Variants in GABRB1 observed in about 807,000 individuals in gnomAD.
The protein encoded by GABRB1 is gamma-aminobutyric acid type A receptor subunit beta1, also known as gamma-aminobutyric acid receptor subunit beta-1.
GABRB1 carries 17 observed loss-of-function variants against 51.6 expected under a neutral mutation model. The ratio of observed to expected loss-of-function variants is 0.33; its 90% CI spans 0.23 to 0.49. GABRB1 has a LOEUF of 0.49. Among genes scored for constraint, GABRB1 ranks in the 20% least tolerant of loss-of-function variants. GABRB1 has a pLI of 0.99. For missense variants in GABRB1, 410 were observed against 600.6 expected, an observed-to-expected ratio of 0.68 and a Z score of 3.32; for synonymous variants, 247 against 218.9, an observed-to-expected ratio of 1.13 and a Z score of -1.14.
At chr4:47,101,559 G>T (rs1008795375) in intron 3 of GABRB1, among the ~76,000 whole-genome samples, 3 of 151,742 alleles carry the variant, frequency 2.0e-5, no homozygotes, top group Non-Finnish European at 2.9e-5. Flanking sequence ...CTCTGCCACT[G>T]CAACCAACCG....
chr4:47,281,945 G>C (rs1454287348), intron 4 of GABRB1, among the ~76,000 whole-genome samples: 1 of 152,084 alleles, frequency 6.6e-6, no homozygotes, highest in Non-Finnish European at 1.5e-5. Context: ...TAAACTGGGA[G>C]AATAAGTTTC....
chr4:47,230,313 C>T (rs1048982512), intron 4 of GABRB1, among the ~76,000 whole-genome samples: 4 of 152,066 alleles, frequency 2.6e-5, no homozygotes, highest in African/African-American at 7.2e-5. Flanking sequence ...AGGAGGGATG[C>T]TCACTGATTC....
rs71195627 is a variant in GABRB1, at chr4:47,354,980, G to GTTTTTTT, written c.544+34790_544+34796dup. The stretch of plus-strand genomic sequence containing the variant: ...CCTTCCTTTCTTTCTTTCTTCCTTT[G>GTTTTTTT]TTTTTTTTTTTTTTTTTTTTTTTTT... On this transcript the variant is annotated intron_variant, in intron 5 of 8. Coordinates refer to ENST00000295454, the MANE Select transcript of GABRB1 (RefSeq NM_000812.4). Among the ~76,000 whole-genome samples the GTTTTTTT allele has an allele frequency of 4.6e-3, 203 of 44,210 alleles. 38 individuals carry two copies. Among genetic ancestry groups the GTTTTTTT allele is most frequent in the Non-Finnish European group, 5.7e-3 (128 of 22,624 alleles). The allele number at this position is 44,210 out of a possible 152,430, so 29.0% of individuals were successfully genotyped here. A position where few individuals can be genotyped will look rare whatever the true frequency, so the allele number is the denominator to read the frequency against.
intron 4 of GABRB1, among the ~76,000 whole-genome samples, chr4:47,283,808 C>T (rs1723396468): frequency 6.6e-6 from 1 of 152,044 alleles, no homozygotes; most frequent in African/African-American, 2.4e-5. Context: ...GGTTCAGAAC[C>T]TGAATAAGGT....
At chr4:47,224,765 GC>G (rs1285656219) in intron 4 of GABRB1, among the ~76,000 whole-genome samples, 4 of 152,084 alleles carry the variant, frequency 2.6e-5, no homozygotes, top group Non-Finnish European at 5.9e-5. Context: ...CAATATATAA[GC>G]CCCCATGTCC....
intron 8 of GABRB1, among the ~76,000 whole-genome samples, chr4:47,412,387 T>A (rs992052208): frequency 6.6e-6 from 1 of 152,188 alleles, no homozygotes; most frequent in Non-Finnish European, 1.5e-5. Flanking sequence ...ATAAAACTCG[T>A]ACATATTCAT....
intron 3 of GABRB1, among the ~76,000 whole-genome samples, chr4:47,038,817 T>G (rs1003804385): frequency 6.6e-6 from 1 of 152,212 alleles, no homozygotes; most frequent in African/African-American, 2.4e-5. Flanking sequence ...TCCAGTTGGC[T>G]TAGGTTTCAG....
At chr4:47,098,934 A>G (rs907261348) in intron 3 of GABRB1, among the ~76,000 whole-genome samples, 8 of 152,086 alleles carry the variant, frequency 5.3e-5, no homozygotes, top group East Asian at 1.9e-4. Flanking sequence ...ATCTTATTCC[A>G]TTATTGAAAA....
intron 8 of GABRB1, among the ~76,000 whole-genome samples, chr4:47,413,268 A>G (rs1728817018): frequency 6.6e-6 from 1 of 152,144 alleles, no homozygotes; most frequent in African/African-American, 2.4e-5. Context: ...CAATTTTATA[A>G]ACTTCTTCAT....
chr4:47,248,414 A>T (rs1387810262), intron 4 of GABRB1, among the ~76,000 whole-genome samples: 1 of 152,044 alleles, frequency 6.6e-6, no homozygotes, highest in African/African-American at 2.4e-5. Flanking sequence ...TATTGGATTC[A>T]GTTAGATAGT....
chr4:47,044,321 A>G (rs1725991574), intron 3 of GABRB1, among the ~76,000 whole-genome samples: 1 of 152,060 alleles, frequency 6.6e-6, no homozygotes, highest in African/African-American at 2.4e-5. Flanking sequence ...TTAAGTCCAG[A>G]CACTCTTGAT....
chr4:47,315,273 A>G (rs1427217778), intron 4 of GABRB1, among the ~76,000 whole-genome samples: 1 of 152,074 alleles, frequency 6.6e-6, no homozygotes, highest in African/African-American at 2.4e-5. Flanking sequence ...TCCAACAAGC[A>G]TATAAAAAAT....
intron 1 of GABRB1, among the ~76,000 whole-genome samples, chr4:47,021,513 A>G (rs966549979): frequency 1.3e-5 from 2 of 152,112 alleles, no homozygotes; most frequent in Non-Finnish European, 2.9e-5. Context: ...ACCCACAGAA[A>G]TGGCTGTGCT....
intron 3 of GABRB1, among the ~76,000 whole-genome samples, chr4:47,073,422 C>T (rs1722957915): frequency 6.6e-6 from 1 of 152,218 alleles, no homozygotes; most frequent in African/African-American, 2.4e-5. Flanking sequence ...TAGCCACTTC[C>T]TAATGCTATA....
intron 5 of GABRB1, among the ~76,000 whole-genome samples, chr4:47,400,829 T>G (rs992184462): frequency 1.3e-5 from 2 of 152,090 alleles, no homozygotes; most frequent in African/African-American, 4.8e-5. Context: ...CAATATTTGA[T>G]TTTCTGTTCC....
chr4:47,032,073 C>CAAAA lies in GABRB1; in HGVS notation c.172+78_172+81dup, dbSNP rs71654859. On this transcript the variant is annotated intron_variant, in intron 2 of 8. Transcript: ENST00000295454. ...CTCCTTTTCTGTCAAAGATAAATGTCAAAAAAAAAAAAAGAAAAGGCATGT... is the reference window on the plus strand; with the variant it reads ...CTCCTTTTCTGTCAAAGATAAATGTCAAAAAAAAAAAAAAAAAGAAAAGGCATGT... The CAAAA allele has an allele frequency of 3.3e-4, 147 of 450,788 alleles. 6 individuals carry two copies. Among genetic ancestry groups the CAAAA allele is most frequent in the African/African-American group, 3.1e-3 (95 of 30,260 alleles). The allele number at this position is 450,788 out of a possible 1,614,324, so 27.9% of individuals were successfully genotyped here.
chr4:47,111,664 G>A (rs1715214921), intron 3 of GABRB1, among the ~76,000 whole-genome samples: 1 of 152,000 alleles, frequency 6.6e-6, no homozygotes, highest in African/African-American at 2.4e-5. Flanking sequence ...AGAAGTTTGA[G>A]ACCAGCCTGG....
At chr4:47,163,320 G>A (rs922743330) in intron 4 of GABRB1, among the ~76,000 whole-genome samples, 1 of 151,910 alleles carries the variant, frequency 6.6e-6, no homozygotes, top group Admixed American at 6.6e-5. Flanking sequence ...AGCCTTATTA[G>A]GTACTGGGCA....
intron 4 of GABRB1, among the ~76,000 whole-genome samples, chr4:47,261,567 T>C (rs1722438237): frequency 6.6e-6 from 1 of 151,960 alleles, no homozygotes; most frequent in African/African-American, 2.4e-5. Context: ...GGAAGAACAT[T>C]CCATGCTCAT....
Sources: allele counts gnomAD v4.1 joint callset (sites outside exome capture counted in the v4.1 genomes callset), GRCh38; gene constraint gnomAD v4.1.1; transcripts MANE v1.5; gene names NCBI Gene and HGNC (gene_info 2026-07-23, HGNC 2026-07-21).